PTPN13: variants seen among roughly 807,000 people sequenced by gnomAD.
The protein encoded by PTPN13 is protein tyrosine phosphatase non-receptor type 13.
PTPN13 carries 191 observed loss-of-function variants against 284.0 expected under a neutral mutation model. That is an observed-to-expected ratio of 0.67 (90% confidence interval 0.60 to 0.76). PTPN13 has a LOEUF of 0.76. Ranked by LOEUF, PTPN13 falls within the 30% of genes least tolerant of loss-of-function variation. PTPN13 has a pLI of 0.00. For synonymous variants in PTPN13, 986 were observed against 1,022.3 expected, an observed-to-expected ratio of 0.96 and a Z score of 0.68; for missense variants, 2,797 against 2,939.9, an observed-to-expected ratio of 0.95 and a Z score of 1.12.
At chr4:86,739,589 G>A (rs1319955707) in intron 15 of PTPN13, among the ~76,000 whole-genome samples, 2 of 152,044 alleles carry the variant, frequency 1.3e-5, no homozygotes, top group East Asian at 3.9e-4. Flanking sequence ...ATGAGATTTG[G>A]GTGAGGACAC....
At chr4:86,808,606 C>T (rs894178763) in intron 45 of PTPN13, among the ~76,000 whole-genome samples, 7 of 152,164 alleles carry the variant, frequency 4.6e-5, no homozygotes, top group African/African-American at 1.7e-4. Context: ...TAAATGTAGC[C>T]TGAGAATTTC....
At chr4:86,689,804 CTCTGT>C in intron 5 of PTPN13, 1 of 698,998 alleles carries the variant, frequency 1.4e-6, no homozygotes, top group Non-Finnish European at 2.6e-6. Context: ...AAAGTCCCAC[CTCTGT>C]TCTGCATTTC....
chr4:86,717,723 TGAG>T (rs1186415400), intron 9 of PTPN13, among the ~76,000 whole-genome samples: 10 of 152,258 alleles, frequency 6.6e-5, no homozygotes, highest in Admixed American at 2.6e-4. Context: ...TAAAAATCTG[TGAG>T]AAGATAGGAA....
intron 1 of PTPN13, among the ~76,000 whole-genome samples, chr4:86,596,873 T>A (rs1159584755): frequency 3.9e-5 from 6 of 152,216 alleles, no homozygotes; most frequent in Admixed American, 3.3e-4. Context: ...TTTTTATGCA[T>A]AATTAAATTA....
At position 86,717,024 on chromosome 4, in the gene PTPN13, T is replaced by C. The variant is rs777457255; in HGVS notation, c.1292T>C (p.Val431Ala). ...IISSESDFRQ[V>A]RRSEASKRFE... is the part of the protein sequence containing the mutation. ...TTATTTCTTTTTCATTCATAATTAG[T>C]GAGAAGAAGTGAAGCCTCAAAGAGG... Residue 431 changes from valine to alanine, a missense_variant and splice_region_variant, in exon 9 of 48, where the codon GTG becomes GCG. Val to Ala is a moderately conservative substitution (Grantham distance 64, BLOSUM62 0). Transcript: ENST00000411767. 15 of 1,607,090 alleles carry C rather than the reference T, an allele frequency of 9.3e-6. No individual in the cohort carries two copies. The highest frequency in any genetic ancestry group is 1.6e-4 in the Middle Eastern group (1 of 6,066).
At chr4:86,784,422 A>T in intron 37 of PTPN13, 43 bp from the exon 38 acceptor site, 1 of 1,371,932 alleles carries the variant, frequency 7.3e-7, no homozygotes, top group Non-Finnish European at 1.0e-6. Context: ...CCTGGAAGTT[A>T]GTAAAATACT....
intron 17 of PTPN13, among the ~76,000 whole-genome samples, chr4:86,745,613 A>G (rs1442136835): frequency 2.0e-5 from 3 of 152,096 alleles, no homozygotes; most frequent in South Asian, 4.2e-4. Context: ...TGTCTCTACT[A>G]AAAATACAAA....
intron 17 of PTPN13, among the ~76,000 whole-genome samples, chr4:86,749,289 T>G (rs902154478): frequency 6.6e-6 from 1 of 151,882 alleles, no homozygotes; most frequent in Non-Finnish European, 1.5e-5. Context: ...CTCTTCCTCC[T>G]CCTCCTCCTT....
At chr4:86,621,587 C>T (rs1467161296) in intron 1 of PTPN13, among the ~76,000 whole-genome samples, 1 of 152,098 alleles carries the variant, frequency 6.6e-6, no homozygotes, top group Non-Finnish European at 1.5e-5. Context: ...TTATTTATCC[C>T]ACTTAGTGTA....
At chr4:86,652,983 T>C (rs1462267789) in intron 2 of PTPN13, among the ~76,000 whole-genome samples, 1 of 152,008 alleles carries the variant, frequency 6.6e-6, no homozygotes, top group Admixed American at 6.6e-5. Context: ...TAGCCTGTTG[T>C]TGAGCTCATC....
At chr4:86,631,209 G>A (rs900893305) in intron 1 of PTPN13, among the ~76,000 whole-genome samples, 24 of 152,114 alleles carry the variant, frequency 1.6e-4, no homozygotes, top group Non-Finnish European at 3.2e-4. Context: ...GAAGCAATAG[G>A]CTTTAAAAAA....
chr4:86,683,036 G>C (rs550518734), intron 3 of PTPN13, among the ~76,000 whole-genome samples: 2 of 152,164 alleles, frequency 1.3e-5, no homozygotes, highest in Admixed American at 6.6e-5. Flanking sequence ...ATAAAGTACT[G>C]TCCTAATAAA....
At chr4:86,785,171 G>A (rs1741749440) in intron 38 of PTPN13, 60 bp from the exon 39 acceptor site, 2 of 1,305,092 alleles carry the variant, frequency 1.5e-6, no homozygotes, top group Non-Finnish European at 2.1e-6. Flanking sequence ...TTAACACCTT[G>A]TCCCTTTCTC....
At chr4:86,594,920 G>C (rs1033862392) in intron 1 of PTPN13, 131 bp downstream of exon 1, 1 of 152,494 alleles carries the variant, frequency 6.6e-6, no homozygotes, top group Non-Finnish European at 1.5e-5. Context: ...CGGTTGCCCT[G>C]GTAGAAGGAA....
intron 1 of PTPN13, among the ~76,000 whole-genome samples, chr4:86,630,884 A>G (rs1040717075): frequency 1.3e-5 from 2 of 152,172 alleles, no homozygotes; most frequent in East Asian, 3.8e-4. Flanking sequence ...ATCCTTCAGG[A>G]TTAAAATGAC....
intron 10 of PTPN13, among the ~76,000 whole-genome samples, chr4:86,724,492 C>T (rs1415356790): frequency 6.6e-6 from 1 of 152,130 alleles, no homozygotes; most frequent in Non-Finnish European, 1.5e-5. Context: ...AACCTGTTTC[C>T]TTTTTTAGGC....
intron 3 of PTPN13, among the ~76,000 whole-genome samples, chr4:86,683,793 G>C (rs1729154559): frequency 6.6e-6 from 1 of 152,108 alleles, no homozygotes. Context: ...TGAGAAGTAA[G>C]TATAATAAAG....
chr4:86,670,299 T>A (rs369603152), intron 2 of PTPN13, among the ~76,000 whole-genome samples: 1 of 148,394 alleles, frequency 6.7e-6, no homozygotes, highest in East Asian at 2.0e-4. Context: ...AATTGCCTAA[T>A]TGACATCCCC....
At chr4:86,785,471 C>G in intron 39 of PTPN13, 103 bp downstream of exon 39, 1 of 994,172 alleles carries the variant, frequency 1.0e-6, no homozygotes. Context: ...TTCTTCTGTT[C>G]CTCATTCATG....
Sources: gnomAD v4.1 joint callset for allele counts (sites outside exome capture counted in the v4.1 genomes callset) on GRCh38, gnomAD v4.1.1 for gene constraint, MANE v1.5 for transcripts, NCBI Gene and HGNC (gene_info 2026-07-23, HGNC 2026-07-21) for gene names.